The following MYO3B variants were observed in gnomAD, a reference collection of about 807,000 sequenced individuals.
MYO3B encodes the protein myosin-IIIb.
MYO3B carries 156 observed loss-of-function variants against 174.6 expected under a neutral mutation model. The ratio of observed to expected loss-of-function variants is 0.89; its 90% CI spans 0.78 to 1.02. The LOEUF (loss-of-function observed/expected upper bound fraction) is 1.02. Among genes scored for constraint, MYO3B ranks in the 50% least tolerant of loss-of-function variants. MYO3B has a pLI of 0.00. For synonymous variants in MYO3B, 563 were observed against 569.1 expected, an observed-to-expected ratio of 0.99 and a Z score of 0.15; for missense variants, 1,632 against 1,639.4, an observed-to-expected ratio of 1.00 and a Z score of 0.08.
At chr2:170,281,488 C>A (rs2093510205) in intron 7 of MYO3B, among the ~76,000 whole-genome samples, 1 of 152,002 alleles carries the variant, frequency 6.6e-6, no homozygotes, top group South Asian at 2.1e-4. Context: ...GTTTATATTC[C>A]TGAATGACTT....
At chr2:170,623,890 T>C (rs1403531208) in intron 32 of MYO3B, among the ~76,000 whole-genome samples, 1 of 151,250 alleles carries the variant, frequency 6.6e-6, no homozygotes, top group East Asian at 2.0e-4. Context: ...TGTAGATGTG[T>C]GGTATTATTT....
At position 170,328,507 on chromosome 2, in the gene MYO3B, G is replaced by A. The variant is rs532845655; in HGVS notation, c.750-6878G>A. 4.6e-5 allele frequency among the ~76,000 whole-genome samples: 7 copies of A among 151,574 alleles called. No homozygotes were observed. The South Asian group carries it at 8.3e-4, about 18-fold the overall frequency. ...TCACTGAGCCACCCCCAGAAGATGC[G>A]GCAGTATATTCTCTCTTTGCATTCA... On this transcript the variant is annotated intron_variant, in intron 7 of 34. Transcript: ENST00000408978.
At position 170,355,415 on chromosome 2, in the gene MYO3B, A is replaced by G. The variant is rs190520960; in HGVS notation, c.816-13807A>G. ...AGAACAAACATTAAGGGAAGGGTAC[A>G]AAATGTGGGTAGACACAATGCCAGT... On this transcript the variant is annotated intron_variant, in intron 8 of 34. Transcript: ENST00000408978. 2.4e-4 allele frequency among the ~76,000 whole-genome samples: 37 copies of G among 152,372 alleles called. 2 individuals carry two copies. Among genetic ancestry groups the G allele is most frequent in the Admixed American group, 2.2e-3 (33 of 15,310 alleles).
intron 22 of MYO3B, among the ~76,000 whole-genome samples, chr2:170,419,729 C>G (rs1397298666): frequency 6.6e-6 from 1 of 152,068 alleles, no homozygotes; most frequent in Non-Finnish European, 1.5e-5. Flanking sequence ...AGAGCTCTGC[C>G]CCTCTCATCC....
intron 3 of MYO3B, among the ~76,000 whole-genome samples, chr2:170,202,836 T>G (rs1207291865): frequency 6.6e-6 from 1 of 152,206 alleles, no homozygotes; most frequent in African/African-American, 2.4e-5. Flanking sequence ...AAGAATAAAT[T>G]TATGTTGCCT....
intron 7 of MYO3B, among the ~76,000 whole-genome samples, chr2:170,307,242 CAAAA>C (rs10718469): frequency 1.7e-5 from 1 of 57,652 alleles, no homozygotes; most frequent in Admixed American, 2.4e-4. Flanking sequence ...GGCCTTATCT[CAAAA>C]AAAAAAAAAA....
chr2:170,458,991 G>T (rs548943882), intron 23 of MYO3B, among the ~76,000 whole-genome samples: 2 of 152,312 alleles, frequency 1.3e-5, no homozygotes, highest in South Asian at 4.2e-4. Context: ...GGTGTGTCCA[G>T]AGTTTGTTTG....
At chr2:170,603,941 A>G (rs560886677) in intron 32 of MYO3B, among the ~76,000 whole-genome samples, 2 of 152,320 alleles carry the variant, frequency 1.3e-5, no homozygotes, top group East Asian at 3.9e-4. Context: ...AAGTTTACAT[A>G]TGTTTAGATA....
At chr2:170,350,357 A>G (rs1443776100) in intron 8 of MYO3B, 3 of 152,196 alleles carry the variant, frequency 2.0e-5, no homozygotes, top group African/African-American at 7.2e-5. Context: ...CCTTAAATAC[A>G]TGAAAAGAAT....
chr2:170,466,517 G>A lies in MYO3B; in HGVS notation c.2820G>A (p.Met940Ile). The A allele has an allele frequency of 6.2e-7, 1 of 1,614,060 alleles. No individual in the cohort carries two copies. Among genetic ancestry groups the A allele is most frequent in the Non-Finnish European group, 8.5e-7 (1 of 1,180,014 alleles). The change falls in exon 25 of 35, where the codon ATG becomes ATA. Residue 940 changes from methionine to isoleucine, a missense_variant. Transcript: ENST00000408978. ...TVASYFRYSL[M>I]DLLSKMVVGQ... The stretch of plus-strand genomic sequence containing the variant: ...TTTCTCCCTGGTAGTATTCTCTGAT[G>A]GACCTGCTCTCCAAAATGGTGGTTG...
chr2:170,214,801 GA>G lies in MYO3B; in HGVS notation c.501del (p.Gly168GlufsTer75), dbSNP rs1559305525. 6.2e-7 allele frequency: 1 copy of G among 1,613,930 alleles called. No homozygotes were observed. The highest frequency in any genetic ancestry group is 8.5e-7 in the Non-Finnish European group (1 of 1,179,948). ...VKGNNILLTTEGGVKLVDFGV... is the reference protein window; with the variant it reads ...VKGNNILLTTXGGVKLVDFGV... ...GGGGAATAACATTCTTCTGACAACAGAAGGAGGAGTTAAGCTCGTTGACTTT... is the reference window on the plus strand; with the variant it reads ...GGGGAATAACATTCTTCTGACAACAGAGGAGGAGTTAAGCTCGTTGACTTT... On this transcript the variant is annotated frameshift_variant, in exon 5 of 35. Coordinates refer to ENST00000408978, the MANE Select transcript of MYO3B (RefSeq NM_138995.5). LOFTEE classifies it high-confidence loss of function.
At chr2:170,531,730 A>G (rs2106172901) in intron 30 of MYO3B, among the ~76,000 whole-genome samples, 1 of 152,342 alleles carries the variant, frequency 6.6e-6, no homozygotes, top group East Asian at 1.9e-4. Flanking sequence ...GTAAATGATG[A>G]CAAAAGAGTA....
chr2:170,431,094 T>C (rs371665746), intron 22 of MYO3B, among the ~76,000 whole-genome samples: 1 of 152,314 alleles, frequency 6.6e-6, no homozygotes, highest in African/African-American at 2.4e-5. Context: ...TTTTATTTTA[T>C]TGTATTTTTA....
At chr2:170,535,363 G>C (rs1262257407) in intron 30 of MYO3B, among the ~76,000 whole-genome samples, 2 of 152,142 alleles carry the variant, frequency 1.3e-5, no homozygotes, top group Admixed American at 6.5e-5. Context: ...GTACGAGTGT[G>C]TATAATCTTA....
At chr2:170,191,918 G>A (rs2105320899) in intron 1 of MYO3B, among the ~76,000 whole-genome samples, 1 of 152,292 alleles carries the variant, frequency 6.6e-6, no homozygotes, top group East Asian at 1.9e-4. Context: ...TGCTCTGCCT[G>A]TAACTCGAGA....
intron 25 of MYO3B, among the ~76,000 whole-genome samples, chr2:170,493,729 C>G (rs1012322068): frequency 3.3e-5 from 5 of 152,168 alleles, no homozygotes; most frequent in African/African-American, 9.7e-5. Context: ...CTCTTTCTCT[C>G]CCTCTCTGCC....
intron 3 of MYO3B, among the ~76,000 whole-genome samples, chr2:170,208,777 G>C (rs1447524097): frequency 6.6e-6 from 1 of 152,084 alleles, no homozygotes; most frequent in Non-Finnish European, 1.5e-5. Context: ...ATAGACTTTA[G>C]TCTTACACTT....
chr2:170,410,572 T>G (rs1337541352), intron 22 of MYO3B, among the ~76,000 whole-genome samples: 4 of 119,698 alleles, frequency 3.3e-5, no homozygotes, highest in Non-Finnish European at 6.6e-5. Context: ...AGTGCAAGAC[T>G]CCGTCTCAAC....
chr2:170,632,716 A>G (rs936377008), intron 32 of MYO3B, among the ~76,000 whole-genome samples: 1 of 152,218 alleles, frequency 6.6e-6, no homozygotes, highest in Non-Finnish European at 1.5e-5. Flanking sequence ...GAAAAGATCA[A>G]TAAGATTGAT....
Sources: allele counts gnomAD v4.1 joint callset (sites outside exome capture counted in the v4.1 genomes callset), GRCh38; gene constraint gnomAD v4.1.1; transcripts MANE v1.5; gene names NCBI Gene and HGNC (gene_info 2026-07-23, HGNC 2026-07-21).